The following SMARCC1 variants were observed in gnomAD, a reference collection of about 807,000 sequenced individuals.
SMARCC1 encodes the protein SWI/SNF related BAF chromatin remodeling complex subunit C1.
In SMARCC1, 43 loss-of-function variants were observed where a neutral mutation model predicts 147.4. The observed-to-expected ratio is 0.29, with a 90% CI of 0.23 to 0.38. The LOEUF (loss-of-function observed/expected upper bound fraction) is 0.38, where lower values mean the gene tolerates loss of function less well. SMARCC1 is among the 10% of genes least tolerant of loss of function. SMARCC1 has a pLI of 1.00. For missense variants in SMARCC1, 1,119 were observed against 1,381.1 expected (o/e 0.81, Z 3.01); for synonymous variants, 495 against 484.4 (o/e 1.02, Z -0.29).
At chr3:47,778,982 T>C (rs2035011449) in intron 1 of SMARCC1, among the ~76,000 whole-genome samples, 1 of 151,768 alleles carries the variant, frequency 6.6e-6, no homozygotes, top group African/African-American at 2.4e-5. Flanking sequence ...AGAAAGACCC[T>C]GTCTCAAAAA....
intron 21 of SMARCC1, among the ~76,000 whole-genome samples, chr3:47,655,314 A>C (rs11712152): frequency 0.27 from 40,929 of 152,066 alleles, 6,102 homozygotes; most frequent in South Asian, 0.43. Context: ...GGGAGAAATC[A>C]CTTGAGCCTG....
At chr3:47,697,357 CTGGCG>C (rs2033866463) in intron 11 of SMARCC1, among the ~76,000 whole-genome samples, 1 of 150,910 alleles carries the variant, frequency 6.6e-6, no homozygotes, top group Non-Finnish European at 1.5e-5. Context: ...CTGGAGTGCC[CTGGCG>C]TGATCGTGGC....
intron 26 of SMARCC1, among the ~76,000 whole-genome samples, chr3:47,591,681 T>C (rs2032184542): frequency 6.6e-6 from 1 of 152,146 alleles, no homozygotes; most frequent in South Asian, 2.1e-4. Context: ...TAGCTGGGAT[T>C]ACAGGTGCCC....
rs543777944 is a variant in SMARCC1 at position 47,700,230 on chromosome 3, T to C, written c.1165+1048A>G. On this transcript the variant is annotated intron_variant, in intron 11 of 27. Transcript: ENST00000254480. ...ATGACTTAGTTTCTAGTCCCCAAAT[T>C]TTAAATCTCCACTTTCTAGATTTCA... Among the ~76,000 whole-genome samples, 419 of 152,152 alleles carry C rather than the reference T, an allele frequency of 2.8e-3. 3 individuals are homozygous for C. The highest frequency in any genetic ancestry group is 6.6e-3 in the Admixed American group (101 of 15,276).
intron 22 of SMARCC1, among the ~76,000 whole-genome samples, chr3:47,637,381 T>G (rs1342024412): frequency 6.6e-6 from 1 of 152,158 alleles, no homozygotes; most frequent in Non-Finnish European, 1.5e-5. Context: ...AAATAGTGAC[T>G]GACTGATCCC....
At chr3:47,735,907 A>C (rs2034436939) in intron 5 of SMARCC1, 127 bp downstream of exon 5, 1 of 486,406 alleles carries the variant, frequency 2.1e-6, no homozygotes, top group South Asian at 4.3e-5. Flanking sequence ...CTCAAGAAAA[A>C]AATTTCTTTT....
At chr3:47,634,484 A>G (rs79690601) in intron 24 of SMARCC1, among the ~76,000 whole-genome samples, 1 of 152,344 alleles carries the variant, frequency 6.6e-6, no homozygotes, top group Non-Finnish European at 1.5e-5. Context: ...AAATAAAATG[A>G]TTAGCAATGT....
chr3:47,663,595 C>T (rs971428467), intron 19 of SMARCC1: 15 of 1,465,472 alleles, frequency 1.0e-5, no homozygotes, highest in Non-Finnish European at 1.4e-5. Context: ...GCGATTTTCT[C>T]CTGCTGCTGT....
chr3:47,625,147 A>ATTTT lies in SMARCC1; in HGVS notation c.2647-2810_2647-2807dup, dbSNP rs767880213. Among the ~76,000 whole-genome samples, 3 of 143,190 alleles carry ATTTT rather than the reference A, an allele frequency of 2.1e-5. No homozygotes were observed. In the East Asian group the frequency reaches 6.0e-4, roughly 29 times the overall value. The allele number at this position is 143,190 out of a possible 152,430, so 93.9% of individuals were successfully genotyped here. On this transcript the variant is annotated intron_variant, in intron 24 of 27. Transcript: ENST00000254480. ...TTTGTCTACTTCTGTATATGTTGGA[A>ATTTT]TTTTTTTTTTTTTTTTTAAAGACAG...
At chr3:47,721,452 C>G (rs1461688382) in intron 6 of SMARCC1, among the ~76,000 whole-genome samples, 3 of 152,080 alleles carry the variant, frequency 2.0e-5, no homozygotes, top group African/African-American at 7.2e-5. Flanking sequence ...CACTGGTAAT[C>G]ATGTGCTTCT....
In SMARCC1 at chr3:47,661,319, T is replaced by C. The variant is rs756514987; in HGVS notation, c.2295A>G (p.Thr765=). 1.2e-6 allele frequency: 2 copies of C among 1,613,208 alleles called. No individual in the cohort carries two copies. Among genetic ancestry groups the C allele is most frequent in the South Asian group, 1.1e-5 (1 of 90,904 alleles). Residue 765 remains threonine (T), a synonymous_variant, in exon 21 of 28, where the codon ACA becomes ACG. Coordinates refer to ENST00000254480, the MANE Select transcript of SMARCC1 (RefSeq NM_003074.4). ...CAAGCTTCTCTGGCTCATCGGGCCCTGTGCCTGCAATGCAGCTGCTCTCCA... is the reference window on the plus strand; with the variant it reads ...CAAGCTTCTCTGGCTCATCGGGCCCCGTGCCTGCAATGCAGCTGCTCTCCA... The part of the protein sequence containing the change: ...YGLESSCIAG[T]GPDEPEKLEG...
intron 25 of SMARCC1, among the ~76,000 whole-genome samples, chr3:47,620,971 C>T (rs536247820): frequency 1.4e-4 from 22 of 152,216 alleles, no homozygotes; most frequent in African/African-American, 5.1e-4. Context: ...TAATATTCAA[C>T]CCAGTAATCC....
chr3:47,744,918 G>A (rs2034549697), intron 3 of SMARCC1, among the ~76,000 whole-genome samples: 1 of 152,150 alleles, frequency 6.6e-6, no homozygotes, highest in African/African-American at 2.4e-5. Context: ...TTTTATCCCT[G>A]TCCTGAGGAT....
chr3:47,683,950 T>C (rs1398549766), intron 14 of SMARCC1, among the ~76,000 whole-genome samples: 1 of 148,048 alleles, frequency 6.8e-6, no homozygotes, highest in Admixed American at 6.7e-5. Flanking sequence ...TCATAAGCAA[T>C]CAATAAAAAA....
At chr3:47,750,390 G>A (rs962147478) in intron 2 of SMARCC1, among the ~76,000 whole-genome samples, 5 of 152,060 alleles carry the variant, frequency 3.3e-5, no homozygotes, top group Admixed American at 6.6e-5. Context: ...AGCCGGGATC[G>A]CGCCAGGGCA....
intron 21 of SMARCC1, among the ~76,000 whole-genome samples, 171 bp from the exon 22 acceptor site, chr3:47,638,951 T>TA (rs1215641013): frequency 6.6e-6 from 1 of 152,184 alleles, no homozygotes; most frequent in African/African-American, 2.4e-5. Context: ...CACTGTATGA[T>TA]AAAGTTCAAA....
chr3:47,678,016 A>G (rs1437684726), intron 16 of SMARCC1, among the ~76,000 whole-genome samples, 182 bp downstream of exon 16: 2 of 152,102 alleles, frequency 1.3e-5, no homozygotes, highest in East Asian at 3.8e-4. Context: ...AAATAGAATA[A>G]AAATAAAATA....
intron 21 of SMARCC1, among the ~76,000 whole-genome samples, chr3:47,641,476 C>A (rs1313029240): frequency 6.6e-6 from 1 of 151,902 alleles, no homozygotes; most frequent in Non-Finnish European, 1.5e-5. Flanking sequence ...CAGAGTGATA[C>A]CCTGTTTCAA....
In SMARCC1 at chr3:47,706,455, G is replaced by A. The variant is rs746702299; in HGVS notation, c.994C>T (p.Pro332Ser). The change falls in exon 10 of 28, where the codon CCC (proline) becomes TCC (serine). Residue 332 changes from proline to serine, a missense_variant. Around this residue, in one of 6 missense-constraint regions of SMARCC1, gnomAD observed 542 missense variants for 611.8 expected, o/e 0.89. Coordinates refer to ENST00000254480, the MANE Select transcript of SMARCC1 (RefSeq NM_003074.4). ...ARKRKHSPSP[P>S]PPTPTESRKK... Reference sequence around the variant, plus strand: ...CGTGATTCTGTTGGTGTCGGAGGGGGAGGCGAAGGCGAATGTTTCCTCTTT... The same window carrying A: ...CGTGATTCTGTTGGTGTCGGAGGGGAAGGCGAAGGCGAATGTTTCCTCTTT... 45 of 1,579,764 alleles carry A rather than the reference G, an allele frequency of 2.8e-5. No individual in the cohort carries two copies. The highest frequency in any genetic ancestry group is 1.4e-5 in the African/African-American group (1 of 72,374).
Sources: allele counts gnomAD v4.1 joint callset (sites outside exome capture counted in the v4.1 genomes callset), GRCh38; gene constraint gnomAD v4.1.1; regional missense constraint gnomAD v4.1.1; transcripts MANE v1.5; gene names NCBI Gene and HGNC (gene_info 2026-07-23, HGNC 2026-07-21).